The following PTDSS2 variants were observed in gnomAD, a reference collection of about 807,000 sequenced individuals.
PTDSS2 encodes the protein PSS-2.
In PTDSS2, 41 loss-of-function variants were observed where a neutral mutation model predicts 64.7. The observed-to-expected ratio is 0.63, with a 90% CI of 0.49 to 0.82. The LOEUF is 0.82. PTDSS2 is among the 40% of genes least tolerant of loss of function. PTDSS2 has a pLI of 0.00. For missense variants in PTDSS2, 485 were observed against 650.0 expected, an observed-to-expected ratio of 0.75 and a Z score of 2.76; for synonymous variants, 297 against 277.8, an observed-to-expected ratio of 1.07 and a Z score of -0.69.
chr11:481,680 T>G (rs1848075926), intron 4 of PTDSS2, among the ~76,000 whole-genome samples: 1 of 152,232 alleles, frequency 6.6e-6, no homozygotes, highest in Admixed American at 6.5e-5. Context: ...AGCTCATTTT[T>G]GTGTACTGAT....
Position 488,612 on chromosome 11 carries a change from C to T in PTDSS2, c.819C>T (p.Tyr273=), listed in dbSNP as rs1275734575. The part of the protein sequence containing the change: ...KTLEWLSLKT[Y]KWQGLWNIPT... ...TTGAGTGGCTGTCCCTGAAGACGTA[C>T]AAGTGGCAGGGCCTCTGGAACATTC... is the stretch of plus-strand genomic sequence containing the variant. The change falls in exon 8 of 12, where the codon TAC becomes TAT. Residue 273 remains tyrosine, a synonymous_variant. Transcript: ENST00000308020. The T allele has an allele frequency of 6.2e-7, 1 of 1,613,254 alleles. No individual in the cohort carries two copies. Among genetic ancestry groups the T allele is most frequent in the Admixed American group, 1.7e-5 (1 of 60,020 alleles).
chr11:482,444 A>G (rs1433726421), intron 4 of PTDSS2, among the ~76,000 whole-genome samples: 1 of 152,006 alleles, frequency 6.6e-6, no homozygotes, highest in Non-Finnish European at 1.5e-5. Context: ...CTGGTCTCAG[A>G]ACTCCTGGTC....
intron 2 of PTDSS2, among the ~76,000 whole-genome samples, chr11:465,523 C>T (rs1332858095): frequency 6.6e-6 from 1 of 152,166 alleles, no homozygotes; most frequent in Non-Finnish European, 1.5e-5. Flanking sequence ...TATAAAACAT[C>T]TTGGAGAAAT....
chr11:487,165 A>T, intron 5 of PTDSS2, 92 bp downstream of exon 5: 1 of 1,240,236 alleles, frequency 8.1e-7, no homozygotes, highest in East Asian at 2.3e-5. Flanking sequence ...CGCACCCCTC[A>T]GCCCACACTT....
intron 9 of PTDSS2, 34 bp from the exon 10 acceptor site, chr11:489,554 G>C: frequency 6.2e-7 from 1 of 1,608,670 alleles, no homozygotes; most frequent in Non-Finnish European, 8.5e-7. Flanking sequence ...GCGGGCGGGG[G>C]GCCAGAGCTG....
At chr11:472,000 TG>T in intron 2 of PTDSS2, among the ~76,000 whole-genome samples, 1 of 138,162 alleles carries the variant, frequency 7.2e-6, no homozygotes, top group African/African-American at 2.8e-5. Context: ...GATGGCGGCC[TG>T]GGGTGACGCG....
intron 1 of PTDSS2, chr11:458,816 T>C (rs922118720): frequency 5.3e-5 from 8 of 152,262 alleles, no homozygotes; most frequent in African/African-American, 1.9e-4. Context: ...ATATGTATTG[T>C]GAATATTTTC....
At chr11:483,396 G>A (rs374413502) in intron 4 of PTDSS2, among the ~76,000 whole-genome samples, 5 of 149,064 alleles carry the variant, frequency 3.4e-5, no homozygotes, top group South Asian at 2.1e-4. Context: ...GAGTGGAGAA[G>A]GTTCTGTGAG....
intron 2 of PTDSS2, among the ~76,000 whole-genome samples, chr11:472,920 G>A (rs911085769): frequency 5.3e-5 from 8 of 152,224 alleles, no homozygotes; most frequent in Non-Finnish European, 1.2e-4. Flanking sequence ...CGGCACTGCC[G>A]AGCCGTGGGA....
At chr11:450,713 C>T (rs1846276345) in intron 1 of PTDSS2, 76 bp downstream of exon 1, 2 of 1,176,518 alleles carry the variant, frequency 1.7e-6, no homozygotes, top group East Asian at 3.2e-5. Flanking sequence ...GCCTGGGGGT[C>T]CCCGGCAGCG....
Position 487,457 on chromosome 11 carries a change from G to A in PTDSS2, c.608G>A (p.Gly203Asp), listed in dbSNP as rs777173606. ...LDGFVPAHFL[G>D]WYLKTLMIRD... ...GGCTTTGTTCCCGCGCACTTTCTTGGCTGGTACCTGAAGGTACGGCACCTC... is the reference window on the plus strand; with the variant it reads ...GGCTTTGTTCCCGCGCACTTTCTTGACTGGTACCTGAAGGTACGGCACCTC... The change falls in exon 6 of 12, where the codon GGC (glycine) becomes GAC (aspartate). Residue 203 changes from glycine to aspartate, a missense_variant. Gly to Asp is a moderately conservative substitution (Grantham distance 94, BLOSUM62 -1). Around this residue, in one of 3 missense-constraint regions of PTDSS2, gnomAD observed 251 missense variants for 348.0 expected, o/e 0.72. Coordinates refer to ENST00000308020, the MANE Select transcript of PTDSS2 (RefSeq NM_030783.3). The A allele has an allele frequency of 1.9e-6, 3 of 1,613,822 alleles. No individual in the cohort carries two copies. The African/African-American group carries it at 4.0e-5, about 22-fold the overall frequency.
At position 490,821 on chromosome 11, in the gene PTDSS2, C is replaced by T. The variant is rs1023320675; in HGVS notation, c.*239C>T. 2.2e-6 allele frequency: 1 copy of T among 459,122 alleles called. No individual in the cohort carries two copies. Among genetic ancestry groups the T allele is most frequent in the Non-Finnish European group, 3.8e-6 (1 of 260,054 alleles). 28.4% of individuals were successfully genotyped at this position (459,122 alleles called of 1,614,324 possible). ...GTACGCGTGTGTACGCGCGTGTGTA[C>T]ACATGCGTGGCCGCCTGTGGTGTGC... On this transcript the variant is annotated 3_prime_UTR_variant, in exon 12 of 12. Coordinates refer to ENST00000308020, the MANE Select transcript of PTDSS2 (RefSeq NM_030783.3).
At chr11:484,005 G>A (rs560144422) in intron 4 of PTDSS2, among the ~76,000 whole-genome samples, 18 of 152,296 alleles carry the variant, frequency 1.2e-4, no homozygotes, top group African/African-American at 2.6e-4. Flanking sequence ...GGGGAGTTTC[G>A]TTGCCCCCCT....
At chr11:452,704 T>C (rs1286528979) in intron 1 of PTDSS2, among the ~76,000 whole-genome samples, 1 of 152,022 alleles carries the variant, frequency 6.6e-6, no homozygotes, top group Non-Finnish European at 1.5e-5. Context: ...GCCTCCTCCC[T>C]TCCCTGTGCA....
In PTDSS2 at chr11:450,461, G is replaced by T; in HGVS notation, c.6G>T (p.Arg2=). M[R]RGERRDAGGP... is the part of the protein sequence containing the mutation. ...TGGCTCCGGGCCGAAACGCCATGCG[G>T]AGGGGCGAGCGCAGGGACGCCGGAG... The change falls in exon 1 of 12, where the codon CGG becomes CGT. Residue 2 remains arginine, a synonymous_variant. Coordinates refer to ENST00000308020, the MANE Select transcript of PTDSS2 (RefSeq NM_030783.3). 8.1e-7 allele frequency: 1 copy of T among 1,228,974 alleles called. No individual in the cohort carries two copies. 76.1% of individuals were successfully genotyped at this position (1,228,974 alleles called of 1,614,324 possible).
chr11:486,039 T>C (rs112792986), intron 4 of PTDSS2, among the ~76,000 whole-genome samples: 2,421 of 138,342 alleles, frequency 0.018, 162 homozygotes, highest in African/African-American at 0.055. Flanking sequence ...CGCAGGCGAG[T>C]GTAAACAGTG....
At position 470,523 on chromosome 11, in the gene PTDSS2, C is replaced by T. The variant is rs1590642069; in HGVS notation, c.285-3372C>T. On this transcript the variant is annotated intron_variant, in intron 2 of 11. Coordinates refer to ENST00000308020, the MANE Select transcript of PTDSS2 (RefSeq NM_030783.3). The surrounding 1 kb of genome is among the most constrained non-coding windows in gnomAD (Gnocchi z 5.3). ...CAGGGGGAAGGACATCAGGGGAGAG[C>T]GAAGGAAGTGTAGGCCTCAGCAGCT... is the stretch of plus-strand genomic sequence containing the variant. Among the ~76,000 whole-genome samples the T allele has an allele frequency of 6.6e-6, 1 of 152,060 alleles. No homozygotes were observed. Among genetic ancestry groups the T allele is most frequent in the African/African-American group, 2.4e-5 (1 of 41,398 alleles).
At chr11:449,395 G>A (rs1846223372), upstream of PTDSS2, among the ~76,000 whole-genome samples, 1 of 152,210 alleles carries the variant, frequency 6.6e-6, no homozygotes, top group South Asian at 2.1e-4. Flanking sequence ...TCAAGGTCCA[G>A]CTGTGCTGTA....
rs112065605 is a variant in PTDSS2 at position 490,075 on chromosome 11, CAG to C, written c.1301+8_1301+9del. 5 of 1,600,944 alleles carry C rather than the reference CAG, an allele frequency of 3.1e-6. No individual in the cohort carries two copies. Among genetic ancestry groups the C allele is most frequent in the Non-Finnish European group, 8.5e-7 (1 of 1,176,722 alleles). ...TCTGGCGCTTCTTCCTGCGGTGAGT[CAG>C]GGCAGGGCGCGTATGTTCTGAAGGA... is the stretch of plus-strand genomic sequence containing the variant. On this transcript the variant is annotated splice_region_variant and intron_variant, in intron 11 of 11. Transcript: ENST00000308020.
Sources: allele counts gnomAD v4.1 joint callset (sites outside exome capture counted in the v4.1 genomes callset), GRCh38; gene constraint gnomAD v4.1.1; regional missense constraint gnomAD v4.1.1; non-coding constraint Gnocchi (gnomAD v3.1); transcripts MANE v1.5; gene names NCBI Gene and HGNC (gene_info 2026-07-23, HGNC 2026-07-21).